The following LAMA3 variants were observed in gnomAD, a reference collection of about 807,000 sequenced individuals.
LAMA3 encodes the protein laminin subunit alpha 3.
In LAMA3, 281 loss-of-function variants were observed where a neutral mutation model predicts 402.0. That is an observed-to-expected ratio of 0.70 (90% CI 0.63 to 0.77). LAMA3 has a LOEUF of 0.77. Ranked by LOEUF, LAMA3 falls within the 30% of genes least tolerant of loss-of-function variation. The pLI, the probability that LAMA3 is intolerant of heterozygous loss-of-function variation, is 0.00. For missense variants in LAMA3, 3,840 were observed against 4,215.5 expected (o/e 0.91, Z 2.47); for synonymous variants, 1,431 against 1,558.4 (o/e 0.92, Z 1.93).
Position 23,939,369 on chromosome 18 carries a change from G to A in LAMA3, c.9009G>A (p.Gln3003=), listed in dbSNP as rs775264325. The A allele has an allele frequency of 1.1e-5, 17 of 1,614,162 alleles. No individual in the cohort carries two copies. The highest frequency in any genetic ancestry group is 1.4e-5 in the Non-Finnish European group (17 of 1,180,024). Residue 3003 remains glutamine, a synonymous_variant, in exon 68 of 75, where the codon CAG becomes CAA. Transcript: ENST00000313654. ...PTSHLLFKLP[Q]ELLKPRSQFA... is the part of the protein sequence containing the mutation. ...GCCACTTGCTATTCAAGCTTCCTCA[G>A]GAGCTGCTGAAACCCAGGTATTATT...
At chr18:23,923,607 G>A (rs1313185338) in intron 62 of LAMA3, among the ~76,000 whole-genome samples, 1 of 152,202 alleles carries the variant, frequency 6.6e-6, no homozygotes, top group African/African-American at 2.4e-5. Context: ...CTGAGACACA[G>A]CCAGGTGGAG....
chr18:23,709,085 T>A (rs2060941890), intron 1 of LAMA3, among the ~76,000 whole-genome samples: 2 of 151,860 alleles, frequency 1.3e-5, no homozygotes, highest in South Asian at 4.2e-4. Context: ...TTTTCTTTTT[T>A]TTTGAGACAG....
chr18:23,869,694 G>A (rs550240695), intron 37 of LAMA3, among the ~76,000 whole-genome samples: 1 of 152,272 alleles, frequency 6.6e-6, no homozygotes, highest in Non-Finnish European at 1.5e-5. Flanking sequence ...GATAGCACAA[G>A]ACATTAGGTA....
chr18:23,921,233 A>G (rs944967980), intron 61 of LAMA3, among the ~76,000 whole-genome samples, 179 bp downstream of exon 61: 16 of 152,244 alleles, frequency 1.1e-4, no homozygotes, highest in African/African-American at 3.6e-4. Flanking sequence ...TAACATATAC[A>G]TGATATCTAT....
At chr18:23,846,160 C>T (rs2144626021) in intron 30 of LAMA3, 137 bp from the exon 31 acceptor site, 1 of 902,966 alleles carries the variant, frequency 1.1e-6, no homozygotes, top group Middle Eastern at 2.2e-4. Context: ...TGGGGTATTT[C>T]CCACTCTTCC....
In LAMA3 at chr18:23,914,417, G is replaced by A. The variant is rs374878110; in HGVS notation, c.7337G>A (p.Arg2446Gln). ...GTGGCCCTTTGTCTCCAGGCCTCCC[G>A]GGACTACATCGGCATGGCAGTTGTG... is the stretch of plus-strand genomic sequence containing the variant. ...VMYLGNKDASRDYIGMAVVDG... is the reference protein window; with the variant it reads ...VMYLGNKDASQDYIGMAVVDG... The change falls in exon 57 of 75, where the codon CGG becomes CAG. Residue 2446 changes from arginine (R) to glutamine (Q), a missense_variant. Arg to Gln is a conservative substitution (Grantham distance 43). Coordinates refer to ENST00000313654, the MANE Select transcript of LAMA3 (RefSeq NM_198129.4). 94 of 1,613,984 alleles carry A rather than the reference G, an allele frequency of 5.8e-5. No individual in the cohort carries two copies. Among genetic ancestry groups the A allele is most frequent in the Non-Finnish European group, 7.5e-5 (88 of 1,180,012 alleles).
intron 7 of LAMA3, among the ~76,000 whole-genome samples, chr18:23,763,111 G>A (rs1450718073): frequency 2.6e-5 from 4 of 152,088 alleles, no homozygotes; most frequent in Admixed American, 2.0e-4. Flanking sequence ...ATCCGCCTAG[G>A]CCTCCCAAAG....
chr18:23,824,046 C>T (rs2063335466), intron 20 of LAMA3, among the ~76,000 whole-genome samples: 1 of 151,720 alleles, frequency 6.6e-6, no homozygotes, highest in African/African-American at 2.4e-5. Context: ...GGGACCCTGG[C>T]TTTAAAAAAA....
chr18:23,780,384 G>T lies in LAMA3; in HGVS notation c.1468+2765G>T, dbSNP rs1181613850. Among the ~76,000 whole-genome samples the T allele has an allele frequency of 2.0e-5, 3 of 152,030 alleles. No homozygotes were observed. In the East Asian group the frequency reaches 5.8e-4, roughly 29 times the overall value. ...GGGGAGAAAGGAGAGAGACAGAAGT[G>T]CTGGAAGGGCTTCCCCAGAGCAGCA... On this transcript the variant is annotated intron_variant, in intron 11 of 74. Coordinates refer to ENST00000313654, the MANE Select transcript of LAMA3 (RefSeq NM_198129.4).
chr18:23,943,119 A>G (rs183278905), intron 68 of LAMA3, among the ~76,000 whole-genome samples: 56 of 152,336 alleles, frequency 3.7e-4, no homozygotes, highest in Admixed American at 1.4e-3. Flanking sequence ...CTCCACGAAT[A>G]CATACAAAAC....
intron 14 of LAMA3, among the ~76,000 whole-genome samples, chr18:23,813,533 C>CT (rs947984986): frequency 7.3e-6 from 1 of 137,296 alleles, no homozygotes; most frequent in Non-Finnish European, 1.6e-5. Context: ...CATTTTTTTT[C>CT]TTTTTCTTTT....
intron 37 of LAMA3, among the ~76,000 whole-genome samples, chr18:23,871,111 CT>C (rs2064503939): frequency 6.6e-6 from 1 of 152,222 alleles, no homozygotes; most frequent in Non-Finnish European, 1.5e-5. Flanking sequence ...ATATGCCTTC[CT>C]TCCCTCTTTC....
chr18:23,701,584 T>G (rs777087907), intron 1 of LAMA3, among the ~76,000 whole-genome samples: 3 of 152,176 alleles, frequency 2.0e-5, no homozygotes, highest in Admixed American at 6.5e-5. Context: ...TAATACTGAG[T>G]GCCTACCCTG....
At chr18:23,883,123 G>A (rs1322750592) in intron 40 of LAMA3, among the ~76,000 whole-genome samples, 1 of 152,174 alleles carries the variant, frequency 6.6e-6, no homozygotes, top group Non-Finnish European at 1.5e-5. Flanking sequence ...GTGTGAAGAG[G>A]GCCAGAGGTG....
intron 11 of LAMA3, among the ~76,000 whole-genome samples, chr18:23,778,522 G>A (rs1002448717): frequency 6.6e-6 from 1 of 152,174 alleles, no homozygotes; most frequent in African/African-American, 2.4e-5. Flanking sequence ...AAGATTCCAG[G>A]CCTCTGCGCT....
chr18:23,746,575 T>A (rs1598706655), intron 2 of LAMA3, among the ~76,000 whole-genome samples: 1 of 152,160 alleles, frequency 6.6e-6, no homozygotes, highest in Non-Finnish European at 1.5e-5. Flanking sequence ...ATGCCACTGC[T>A]CTCACCAAAA....
chr18:23,718,783 C>T (rs61237124), intron 2 of LAMA3, among the ~76,000 whole-genome samples: 2,195 of 152,310 alleles, frequency 0.014, 47 homozygotes, highest in African/African-American at 0.05. Context: ...TCCCTTGTCC[C>T]ATCTCAAGGG....
intron 55 of LAMA3, 65 bp from the exon 56 acceptor site, chr18:23,912,646 C>T (rs867819322): frequency 2.9e-6 from 4 of 1,369,350 alleles, no homozygotes; most frequent in Middle Eastern, 3.6e-4. Flanking sequence ...CACAAACTAG[C>T]TCTCTGAGCA....
At chr18:23,813,989 C>T (rs573909207) in intron 14 of LAMA3, among the ~76,000 whole-genome samples, 2 of 152,258 alleles carry the variant, frequency 1.3e-5, no homozygotes, top group Non-Finnish European at 2.9e-5. Flanking sequence ...TGATGCAAGG[C>T]TGTGAATCTT....
Sources: gnomAD v4.1 joint callset for allele counts (sites outside exome capture counted in the v4.1 genomes callset) on GRCh38, gnomAD v4.1.1 for gene constraint, MANE v1.5 for transcripts, NCBI Gene and HGNC (gene_info 2026-07-23, HGNC 2026-07-21) for gene names.